The following WDR27 variants were observed in gnomAD, a reference collection of about 807,000 sequenced individuals.
The protein encoded by WDR27 is WD repeat-containing protein 27.
A neutral mutation model predicts 114.4 loss-of-function variants in WDR27; 100 were observed. The observed-to-expected ratio is 0.87, with a 90% CI of 0.74 to 1.03. WDR27 has a LOEUF of 1.03. WDR27 is among the 50% of genes least tolerant of loss of function. WDR27 has a pLI of 0.00. For synonymous variants in WDR27, 449 were observed against 423.1 expected (o/e 1.06, Z -0.75); for missense variants, 1,129 against 1,092.9 (o/e 1.03, Z -0.47).
rs543275648 is a variant in WDR27 at position 169,647,865 on chromosome 6, G to A, written c.1565C>T (p.Ala522Val). 2.6e-6 allele frequency: 4 copies of A among 1,556,650 alleles called. No individual in the cohort carries two copies. The highest frequency in any genetic ancestry group is 2.6e-6 in the Non-Finnish European group (3 of 1,153,464). The change falls in exon 16 of 26, where the codon GCA becomes GTA. Residue 522 changes from alanine to valine, a missense_variant. Coordinates refer to ENST00000448612, the MANE Select transcript of WDR27 (RefSeq NM_182552.5). The stretch of plus-strand genomic sequence containing the variant: ...GGGCACAGCGCACTCCACGGGGTAT[G>A]CCTCCCTGAGGGAAGGCCACAGGTA... ...SRSRSSCARE[A>V]YPVECAVPTK...
At position 169,457,363 on chromosome 6, in the gene WDR27, C is replaced by G; in HGVS notation, c.*229G>C. The G allele has an allele frequency of 2.4e-6, 1 of 413,576 alleles. No homozygotes were observed. 25.6% of individuals were successfully genotyped at this position (413,576 alleles called of 1,614,324 possible). A position where few individuals can be genotyped will look rare whatever the true frequency, so the allele number is the denominator to read the frequency against. On this transcript the variant is annotated 3_prime_UTR_variant, in exon 26 of 26. Transcript: ENST00000448612. ...TGTGCAGAAGTACTGGACGCCATTT[C>G]CATTTTCCCAATGAAGGGGATCCCT...
At chr6:169,553,032 A>ATGTGTGTGGGGGGGGGGGG (rs1798391290) in intron 25 of WDR27, among the ~76,000 whole-genome samples, 1 of 34,942 alleles carries the variant, frequency 2.9e-5, no homozygotes, top group African/African-American at 9.1e-5. Context: ...GTGTGTATGC[A>ATGTGTGTGGGGGGGGGGGG]GGGAGGTGGG....
At chr6:169,497,672 T>C (rs754202144) in intron 25 of WDR27, among the ~76,000 whole-genome samples, 1 of 152,042 alleles carries the variant, frequency 6.6e-6, no homozygotes, top group Non-Finnish European at 1.5e-5. Flanking sequence ...CACTAATCAT[T>C]TGGGAAACGC....
chr6:169,672,380 C>T lies in WDR27; in HGVS notation c.206G>A (p.Gly69Glu), dbSNP rs779079600. ...DPSHQLLILR[G>E]HHQPITAMAF... is the part of the protein sequence containing the mutation. ...CATAGCAGTAATTGGCTGATGGTGT[C>T]CTCGTAGGATTAGAAGCTGGGAAAA... The change falls in exon 3 of 26, where the codon GGA becomes GAA. Residue 69 changes from glycine (G) to glutamate (E), a missense_variant. Gly to Glu is a moderately conservative substitution (Grantham distance 98). Coordinates refer to ENST00000448612, the MANE Select transcript of WDR27 (RefSeq NM_182552.5). 11 of 1,605,094 alleles carry T rather than the reference C, an allele frequency of 6.9e-6. No individual in the cohort carries two copies. The highest frequency in any genetic ancestry group is 9.4e-6 in the Non-Finnish European group (11 of 1,175,710).
At chr6:169,538,863 G>C (rs1357312607) in intron 25 of WDR27, among the ~76,000 whole-genome samples, 1 of 152,072 alleles carries the variant, frequency 6.6e-6, no homozygotes, top group African/African-American at 2.4e-5. Flanking sequence ...TTACTCCTAT[G>C]ATACAATCCC....
rs1817195833 is a variant in WDR27 at position 169,634,500 on chromosome 6, G to A, written c.2029C>T (p.Leu677=). The A allele has an allele frequency of 6.2e-7, 1 of 1,612,002 alleles. No individual in the cohort carries two copies. The change falls in exon 20 of 26, where the codon CTG becomes TTG. Residue 677 remains leucine (L), a synonymous_variant. Transcript: ENST00000448612. ...CCCGTCGTGGAGAGCCTGCAAATCA[G>A]CTTGGACTTGCTCTTCTGTTTATAT... ...KRYKQKSKSK[L]ICRLSTTGAV... is the part of the protein sequence containing the mutation.
intron 24 of WDR27, among the ~76,000 whole-genome samples, chr6:169,575,039 T>A (rs1478565614): frequency 1.3e-5 from 2 of 152,140 alleles, no homozygotes; most frequent in Admixed American, 6.5e-5. Flanking sequence ...GGGCTGGGAC[T>A]TAAACCAGTA....
At chr6:169,535,836 C>T (rs1045849846) in intron 25 of WDR27, among the ~76,000 whole-genome samples, 1 of 152,186 alleles carries the variant, frequency 6.6e-6, no homozygotes, top group African/African-American at 2.4e-5. Flanking sequence ...AAATGATAAA[C>T]AAGAGCAATT....
At chr6:169,618,871 A>G (rs1812504976) in intron 21 of WDR27, among the ~76,000 whole-genome samples, 1 of 152,180 alleles carries the variant, frequency 6.6e-6, no homozygotes, top group African/African-American at 2.4e-5. Context: ...ATGTAAGATA[A>G]GTTTTTTTAA....
chr6:169,599,814 G>GT (rs1366411227), intron 23 of WDR27, among the ~76,000 whole-genome samples: 25 of 152,098 alleles, frequency 1.6e-4, no homozygotes, highest in African/African-American at 6.0e-4. Context: ...TTTTGAATGT[G>GT]TTTGCTCTTG....
intron 24 of WDR27, among the ~76,000 whole-genome samples, chr6:169,577,762 C>G (rs1291343791): frequency 2.0e-5 from 3 of 152,208 alleles, no homozygotes; most frequent in Non-Finnish European, 4.4e-5. Context: ...CCAAGACATT[C>G]GCCGCAGCAG....
At chr6:169,593,037 G>C (rs780141475) in intron 23 of WDR27, among the ~76,000 whole-genome samples, 1 of 152,148 alleles carries the variant, frequency 6.6e-6, no homozygotes, top group Non-Finnish European at 1.5e-5. Context: ...TATTGTTAAT[G>C]CACTAATTCT....
chr6:169,607,997 T>C (rs763393705), intron 22 of WDR27, among the ~76,000 whole-genome samples: 7 of 152,202 alleles, frequency 4.6e-5, no homozygotes, highest in African/African-American at 9.7e-5. Context: ...ACCTAAGCTG[T>C]GTGGTGTAGC....
intron 25 of WDR27, among the ~76,000 whole-genome samples, chr6:169,464,061 A>G (rs1048452809): frequency 1.3e-5 from 2 of 152,234 alleles, no homozygotes; most frequent in African/African-American, 4.8e-5. Context: ...GAAACTCTGA[A>G]TAGTAAAAAC....
At chr6:169,426,431 CCCTTATTAA>C in the WDR27 span, 1 of 152,106 alleles carries the variant, frequency 6.6e-6, no homozygotes, top group Non-Finnish European at 1.5e-5. Flanking sequence ...TTTGACAAGC[CCCTTATTAA>C]CTTTATTAAA....
At chr6:169,665,701 T>C in intron 6 of WDR27, 145 bp from the exon 7 acceptor site, 1 of 809,600 alleles carries the variant, frequency 1.2e-6, no homozygotes, top group South Asian at 2.0e-5. Flanking sequence ...CCAAAATAAT[T>C]TCTTCACCAA....
chr6:169,452,261 C>T (rs1389517626), downstream of WDR27, among the ~76,000 whole-genome samples: 1 of 152,232 alleles, frequency 6.6e-6, no homozygotes, highest in Non-Finnish European at 1.5e-5. Flanking sequence ...TGGAACGAAC[C>T]CAGACTCCTC....
At chr6:169,639,287 C>T (rs1818561118) in intron 17 of WDR27, among the ~76,000 whole-genome samples, 2 of 152,098 alleles carry the variant, frequency 1.3e-5, no homozygotes, top group African/African-American at 2.4e-5. Context: ...AACGCCTCGG[C>T]CCGGCAGTGT....
chr6:169,638,749 C>T (rs895363764), intron 17 of WDR27, 89 bp from the exon 18 acceptor site: 2 of 1,471,484 alleles, frequency 1.4e-6, no homozygotes, highest in Non-Finnish European at 1.8e-6. Flanking sequence ...TCATACAACA[C>T]AACTGGAACA....
Sources: allele counts gnomAD v4.1 joint callset (sites outside exome capture counted in the v4.1 genomes callset), GRCh38; gene constraint gnomAD v4.1.1; transcripts MANE v1.5; gene names NCBI Gene and HGNC (gene_info 2026-07-23, HGNC 2026-07-21).